Variants in FBXW2 observed in about 807,000 individuals in gnomAD.
The protein encoded by FBXW2 is F-box/WD repeat-containing protein 2.
A neutral mutation model predicts 46.0 loss-of-function variants in FBXW2; 12 were observed. The observed-to-expected ratio is 0.26, with a 90% CI of 0.17 to 0.42. The LOEUF (loss-of-function observed/expected upper bound fraction) is 0.42, where lower values mean the gene tolerates loss of function less well. FBXW2 is among the 10% of genes least tolerant of loss of function. FBXW2 has a pLI of 1.00. For synonymous variants in FBXW2, 203 were observed against 209.6 expected (o/e 0.97, Z 0.27); for missense variants, 360 against 537.0 (o/e 0.67, Z 3.26).
At position 120,757,170 on chromosome 9, in the gene FBXW2, ATGT is replaced by A. The variant is rs1010200628; in HGVS notation, c.*7386_*7388del. On this transcript the variant is annotated 3_prime_UTR_variant, in exon 8 of 8. Transcript: ENST00000608872. ...CTCTCTAGTCCCCTCCCCCATAAAA[ATGT>A]TGTCATGTGTTAAAGAAATGTCAGT... 1.1e-4 allele frequency: 2 copies of A among 17,426 alleles called. No homozygotes were observed. Among genetic ancestry groups the A allele is most frequent in the African/African-American group, 2.2e-4 (2 of 9,076 alleles). The allele number at this position is 17,426 out of a possible 1,614,324, so 1.1% of individuals were successfully genotyped here.
chr9:120,771,554 A>C (rs750621316), intron 6 of FBXW2, 37 bp from the exon 7 acceptor site: 11 of 1,563,522 alleles, frequency 7.0e-6, no homozygotes, highest in Non-Finnish European at 9.6e-6. Context: ...ATGAGAGATC[A>C]CATCACTACA....
At position 120,763,706 on chromosome 9, in the gene FBXW2, G is replaced by C. The variant is rs578068982; in HGVS notation, c.*853C>G. ...ACACATTTCAGTAGGTGAAGGACCA[G>C]AAAGAATCTTAGAAATCACTGAGCT... On this transcript the variant is annotated 3_prime_UTR_variant, in exon 8 of 8. Transcript: ENST00000608872. The C allele has an allele frequency of 3.9e-4, 59 of 152,326 alleles. No individual in the cohort carries two copies. Among genetic ancestry groups the C allele is most frequent in the African/African-American group, 1.4e-3 (58 of 41,572 alleles). The allele number at this position is 152,326 out of a possible 1,614,324, so 9.4% of individuals were successfully genotyped here.
In FBXW2 at chr9:120,764,193, C is replaced by G. The variant is rs1410391223; in HGVS notation, c.*366G>C. On this transcript the variant is annotated 3_prime_UTR_variant, in exon 8 of 8. Transcript: ENST00000608872. ...AGGCTATGGTAAAAAGCTTTAATAA[C>G]AGACAATGTGATTTCATAGGCAACC... 2.5e-6 allele frequency: 1 copy of G among 398,790 alleles called. No homozygotes were observed. The highest frequency in any genetic ancestry group is 4.4e-6 in the Non-Finnish European group (1 of 226,454). 24.7% of individuals were successfully genotyped at this position (398,790 alleles called of 1,614,324 possible). A position where few individuals can be genotyped will look rare whatever the true frequency, so the allele number is the denominator to read the frequency against.
In FBXW2 at chr9:120,787,617, A is replaced by AG. The variant is rs201064636; in HGVS notation, c.490+151dup. 4,673 of 672,950 alleles carry AG rather than the reference A, an allele frequency of 6.9e-3. 25 individuals carry two copies. Among genetic ancestry groups the AG allele is most frequent in the Non-Finnish European group, 8.3e-3 (3,450 of 416,274 alleles). The allele number at this position is 672,950 out of a possible 1,614,324, so 41.7% of individuals were successfully genotyped here. On this transcript the variant is annotated intron_variant, in intron 3 of 7. Coordinates refer to ENST00000608872, the MANE Select transcript of FBXW2 (RefSeq NM_012164.4). ...TTCTCTAGAGAGAAGGAAGAGGATA[A>AG]GGGGGGGGAACCACTCAGGATTAGA...
intron 3 of FBXW2, among the ~76,000 whole-genome samples, chr9:120,781,675 C>T (rs5021405): frequency 0.52 from 76,483 of 146,034 alleles, 21,461 homozygotes; most frequent in African/African-American, 0.73. Flanking sequence ...CACACACACA[C>T]ATACACACAC....
chr9:120,784,085 C>T (rs2044669913), intron 3 of FBXW2, among the ~76,000 whole-genome samples: 1 of 152,154 alleles, frequency 6.6e-6, no homozygotes, highest in Non-Finnish European at 1.5e-5. Context: ...TCATTTTCAA[C>T]CACTGCACAG....
Position 120,764,434 on chromosome 9 carries a change from T to C in FBXW2, c.*125A>G. 9.1e-7 allele frequency: 1 copy of C among 1,100,604 alleles called. No individual in the cohort carries two copies. The highest frequency in any genetic ancestry group is 2.4e-5 in the East Asian group (1 of 42,024). The allele number at this position is 1,100,604 out of a possible 1,614,324, so 68.2% of individuals were successfully genotyped here. A position where few individuals can be genotyped will look rare whatever the true frequency, so the allele number is the denominator to read the frequency against. The stretch of plus-strand genomic sequence containing the variant: ...CCCCTGGCAAAACATAGATAAATGA[T>C]TGTGCACTGCGTGATGATACCATTA... On this transcript the variant is annotated 3_prime_UTR_variant, in exon 8 of 8. Transcript: ENST00000608872.
chr9:120,780,316 C>G (rs1418509566), intron 3 of FBXW2, among the ~76,000 whole-genome samples: 1 of 149,108 alleles, frequency 6.7e-6, no homozygotes, highest in African/African-American at 2.5e-5. Context: ...GATCACACCA[C>G]TGCACTCCAG....
At chr9:120,783,006 G>A (rs1175972847) in intron 3 of FBXW2, among the ~76,000 whole-genome samples, 1 of 152,112 alleles carries the variant, frequency 6.6e-6, no homozygotes, top group Non-Finnish European at 1.5e-5. Flanking sequence ...TAGTGGTGAT[G>A]ACTGCACAAC....
chr9:120,773,758 A>G (rs1357001957), intron 5 of FBXW2, among the ~76,000 whole-genome samples: 1 of 152,220 alleles, frequency 6.6e-6, no homozygotes, highest in Non-Finnish European at 1.5e-5. Context: ...TCGTGTTCAC[A>G]GGAACATTTA....
At position 120,781,635 on chromosome 9, in the gene FBXW2, T is replaced by TATAC. The variant is rs372005960; in HGVS notation, c.491-3091_491-3090insGTAT. Among the ~76,000 whole-genome samples the TATAC allele has an allele frequency of 6.9e-4, 30 of 43,640 alleles. No homozygotes were observed. The South Asian group carries it at 0.011, about 16-fold the overall frequency. The allele number at this position is 43,640 out of a possible 152,430, so 28.6% of individuals were successfully genotyped here. On this transcript the variant is annotated intron_variant, in intron 3 of 7. Transcript: ENST00000608872. ...ATACATGGAATATATTTTATATACA[T>TATAC]ACACACACACACACACACACACACA...
At chr9:120,775,717 GA>G (rs2044478482) in intron 5 of FBXW2, among the ~76,000 whole-genome samples, 1 of 152,008 alleles carries the variant, frequency 6.6e-6, no homozygotes, top group South Asian at 2.1e-4. Context: ...GATTAAGAAA[GA>G]AACATGTTTA....
rs1230116711 is a variant in FBXW2 at position 120,764,518 on chromosome 9, C to A, written c.*41G>T. 1.3e-6 allele frequency: 2 copies of A among 1,586,536 alleles called. No individual in the cohort carries two copies. Among genetic ancestry groups the A allele is most frequent in the Non-Finnish European group, 1.7e-6 (2 of 1,161,440 alleles). On this transcript the variant is annotated 3_prime_UTR_variant, in exon 8 of 8. Coordinates refer to ENST00000608872, the MANE Select transcript of FBXW2 (RefSeq NM_012164.4). ...CAGAGGTTGCACCCAAAACCCGCAG[C>A]CCCGGCACCCAAAGTCAGTCAGCGG...
chr9:120,791,101 A>G (rs1387044391), intron 2 of FBXW2, among the ~76,000 whole-genome samples: 1 of 152,170 alleles, frequency 6.6e-6, no homozygotes, highest in African/African-American at 2.4e-5. Context: ...AAAAACACCA[A>G]TTTTTACTTT....
At chr9:120,774,592 C>T (rs1052866088) in intron 5 of FBXW2, among the ~76,000 whole-genome samples, 2 of 152,140 alleles carry the variant, frequency 1.3e-5, no homozygotes, top group African/African-American at 4.8e-5. Flanking sequence ...AAAGACATAT[C>T]CTTTATGGGT....
In FBXW2 at chr9:120,759,078, A is replaced by G. The variant is rs1367066448; in HGVS notation, c.*5481T>C. The G allele has an allele frequency of 6.6e-6, 1 of 152,190 alleles. No individual in the cohort carries two copies. Among genetic ancestry groups the G allele is most frequent in the East Asian group, 1.9e-4 (1 of 5,198 alleles). 9.4% of individuals were successfully genotyped at this position (152,190 alleles called of 1,614,324 possible). A position where few individuals can be genotyped will look rare whatever the true frequency, so the allele number is the denominator to read the frequency against. ...TAAAAAAACAGAGCCACCTCAGATC[A>G]CTCAAGGGGTTGTTCTATTTTCAAA... On this transcript the variant is annotated 3_prime_UTR_variant, in exon 8 of 8. Transcript: ENST00000608872.
chr9:120,781,299 G>A (rs1008685638), intron 3 of FBXW2, among the ~76,000 whole-genome samples: 2 of 152,038 alleles, frequency 1.3e-5, no homozygotes, highest in African/African-American at 4.8e-5. Flanking sequence ...AAAAATTATT[G>A]AAAAGGAACT....
rs953943668 is a variant in FBXW2 at position 120,758,530 on chromosome 9, G to A, written c.*6029C>T. The A allele has an allele frequency of 6.6e-6, 1 of 152,210 alleles. No homozygotes were observed. 9.4% of individuals were successfully genotyped at this position (152,210 alleles called of 1,614,324 possible). ...ACAGGTTGAACAGTGCACACAAGTG[G>A]TGAAGGCAGAAGGCAGCAGTCGGGA... On this transcript the variant is annotated 3_prime_UTR_variant, in exon 8 of 8. Coordinates refer to ENST00000608872, the MANE Select transcript of FBXW2 (RefSeq NM_012164.4).
In FBXW2 at chr9:120,788,298, T is replaced by C. The variant is rs2044764397; in HGVS notation, c.-20-20A>G. The C allele has an allele frequency of 1.1e-5, 18 of 1,601,154 alleles. No homozygotes were observed. Among genetic ancestry groups the C allele is most frequent in the Non-Finnish European group, 1.5e-5 (18 of 1,177,102 alleles). The stretch of plus-strand genomic sequence containing the variant: ...ATTTACCTGTGGCACATCAAAATAT[T>C]GTATTAGTTCTGCTCAAAAAGACTG... On this transcript the variant is annotated intron_variant, in intron 2 of 7. Transcript: ENST00000608872.
Sources: gnomAD v4.1 joint callset for allele counts (sites outside exome capture counted in the v4.1 genomes callset) on GRCh38, gnomAD v4.1.1 for gene constraint, MANE v1.5 for transcripts, NCBI Gene and HGNC (gene_info 2026-07-23, HGNC 2026-07-21) for gene names.